ABL2: variants seen among roughly 807,000 people sequenced by gnomAD.
ABL2 encodes the protein ABL proto-oncogene 2, non-receptor tyrosine kinase.
ABL2 carries 49 observed loss-of-function variants against 107.7 expected under a neutral mutation model. The ratio of observed to expected loss-of-function variants is 0.45; its 90% CI spans 0.36 to 0.58. The LOEUF is 0.58. ABL2 is among the 20% of genes least tolerant of loss of function. ABL2 has a pLI of 0.00. For synonymous variants in ABL2, 549 were observed against 548.6 expected (o/e 1.00, Z -0.01); for missense variants, 1,245 against 1,457.0 (o/e 0.85, Z 2.37).
intron 1 of ABL2, among the ~76,000 whole-genome samples, chr1:179,188,937 T>C (rs1014071525): frequency 6.6e-6 from 1 of 152,338 alleles, no homozygotes; most frequent in East Asian, 1.9e-4. Flanking sequence ...GGAGATTAAA[T>C]GTATACCCCT....
rs58297805 is a variant in ABL2, at chr1:179,147,181, C to CAAAAAAAAAAAAAAAAAAAA, written c.158-13827_158-13808dup. 1.0e-3 allele frequency among the ~76,000 whole-genome samples: 52 copies of CAAAAAAAAAAAAAAAAAAAA among 50,534 alleles called. 13 individuals carry two copies. Among genetic ancestry groups the CAAAAAAAAAAAAAAAAAAAA allele is most frequent in the African/African-American group, 1.7e-3 (22 of 13,244 alleles). 33.2% of individuals were successfully genotyped at this position (50,534 alleles called of 152,430 possible). On this transcript the variant is annotated intron_variant, in intron 1 of 11. Transcript: ENST00000502732. Reference sequence around the variant, plus strand: ...CCAATCACTAATCATCAGAGAAATGCAAAAAAAAAAAAAAAAAAAAAAAAA... The same window carrying CAAAAAAAAAAAAAAAAAAAA: ...CCAATCACTAATCATCAGAGAAATGCAAAAAAAAAAAAAAAAAAAAAAAAAAAAAAAAAAAAAAAAAAAAA...
At chr1:179,206,440 A>G (rs1403360754) in intron 1 of ABL2, among the ~76,000 whole-genome samples, 1 of 152,130 alleles carries the variant, frequency 6.6e-6, no homozygotes, top group Admixed American at 6.6e-5. Flanking sequence ...TACAACAGCA[A>G]AAAACTGAAA....
At chr1:179,170,890 C>G (rs1659681172) in intron 1 of ABL2, among the ~76,000 whole-genome samples, 1 of 152,094 alleles carries the variant, frequency 6.6e-6, no homozygotes, top group Non-Finnish European at 1.5e-5. Flanking sequence ...CCACTGCGCT[C>G]AGCCTAATTT....
At chr1:179,192,207 A>C (rs1434460349) in intron 1 of ABL2, among the ~76,000 whole-genome samples, 1 of 152,200 alleles carries the variant, frequency 6.6e-6, no homozygotes, top group African/African-American at 2.4e-5. Context: ...CACTCTACCA[A>C]AGGTAGATAT....
Position 179,216,833 on chromosome 1 carries a change from G to A in ABL2, c.157+12408C>T, listed in dbSNP as rs567645727. On this transcript the variant is annotated intron_variant, in intron 1 of 11. Coordinates refer to ENST00000502732, the MANE Select transcript of ABL2 (RefSeq NM_007314.4). ...CGAGTAGCTGCAACTACAGGCGCACGCCACCATGCCCGGCTAATTTTTGTA... is the reference window on the plus strand; with the variant it reads ...CGAGTAGCTGCAACTACAGGCGCACACCACCATGCCCGGCTAATTTTTGTA... Among the ~76,000 whole-genome samples the A allele has an allele frequency of 4.0e-4, 61 of 151,726 alleles. 2 individuals carry two copies. The highest frequency in any genetic ancestry group is 3.5e-4 in the Non-Finnish European group (24 of 67,906).
chr1:179,226,411 C>A (rs559390229), intron 1 of ABL2, among the ~76,000 whole-genome samples: 2 of 150,154 alleles, frequency 1.3e-5, no homozygotes, highest in African/African-American at 2.5e-5. Context: ...CGGGTTCAAG[C>A]GATTCTCCTG....
intron 1 of ABL2, among the ~76,000 whole-genome samples, chr1:179,219,728 C>T (rs895688230): frequency 2.0e-5 from 3 of 152,190 alleles, no homozygotes; most frequent in Non-Finnish European, 2.9e-5. Flanking sequence ...AATTCCCTTA[C>T]CTTTTACTGC....
At chr1:179,117,238 G>A (rs2102611212) in intron 8 of ABL2, 94 bp downstream of exon 8, 1 of 1,248,194 alleles carries the variant, frequency 8.0e-7, no homozygotes, top group Non-Finnish European at 1.1e-6. Flanking sequence ...TAAAGGTAGA[G>A]GATACTGAAC....
chr1:179,162,468 G>A (rs959736432), intron 1 of ABL2, among the ~76,000 whole-genome samples: 6 of 152,024 alleles, frequency 3.9e-5, no homozygotes, highest in South Asian at 4.2e-4. Context: ...GTCTGTAACC[G>A]CAGCTACCTG....
intron 1 of ABL2, among the ~76,000 whole-genome samples, chr1:179,199,063 G>A (rs1431941543): frequency 5.9e-5 from 9 of 151,938 alleles, no homozygotes; most frequent in Non-Finnish European, 1.2e-4. Context: ...GCCTGGTCTC[G>A]AACTCCTGAC....
rs1372787762 is a variant in ABL2 at position 179,112,397 on chromosome 1, G to A, written c.1563C>T (p.Cys521=). Residue 521 remains cysteine (C), a splice_region_variant and synonymous_variant, in exon 10 of 12, where the codon TGC becomes TGT. Coordinates refer to ENST00000502732, the MANE Select transcript of ABL2 (RefSeq NM_007314.4). ...GCCTATCGGCAGGGCTCCACTTCCA[G>A]CCTATGTAACAGAAGAAAAAATATT... The part of the protein sequence containing the change: ...PPKVYELMRA[C]WKWSPADRPS... 6.2e-7 allele frequency: 1 copy of A among 1,612,998 alleles called. No homozygotes were observed. Among genetic ancestry groups the A allele is most frequent in the Non-Finnish European group, 8.5e-7 (1 of 1,179,212 alleles).
intron 3 of ABL2, among the ~76,000 whole-genome samples, chr1:179,128,003 C>G (rs1275948308): frequency 6.7e-6 from 1 of 149,898 alleles, no homozygotes; most frequent in African/African-American, 2.5e-5. Flanking sequence ...CCACTGTACT[C>G]CAGCCTGGGA....
intron 1 of ABL2, among the ~76,000 whole-genome samples, chr1:179,195,425 G>C (rs181593701): frequency 5.9e-5 from 9 of 152,298 alleles, no homozygotes; most frequent in Admixed American, 1.3e-4. Context: ...GTGCATTATT[G>C]GTGGGAATAT....
intron 3 of ABL2, among the ~76,000 whole-genome samples, chr1:179,129,585 G>A (rs1012527061): frequency 1.3e-5 from 2 of 151,952 alleles, no homozygotes; most frequent in Non-Finnish European, 2.9e-5. Context: ...AGGAGGCTGA[G>A]GCAGCAGAAT....
rs932043657 is a variant in ABL2, at chr1:179,100,545, T to C, written c.*7173A>G. ...TAATTCCGAAGCAAATTTAAGCAAG[T>C]TCTGACTACACAAACTCCTTATGTT... On this transcript the variant is annotated 3_prime_UTR_variant, in exon 12 of 12. Coordinates refer to ENST00000502732, the MANE Select transcript of ABL2 (RefSeq NM_007314.4). 4.4e-6 allele frequency: 1 copy of C among 228,994 alleles called. No homozygotes were observed. Among genetic ancestry groups the C allele is most frequent in the African/African-American group, 2.2e-5 (1 of 45,148 alleles). The allele number at this position is 228,994 out of a possible 1,614,324, so 14.2% of individuals were successfully genotyped here.
chr1:179,106,676 C>T lies in ABL2; in HGVS notation c.*1042G>A, dbSNP rs556997115. On this transcript the variant is annotated 3_prime_UTR_variant, in exon 12 of 12. Coordinates refer to ENST00000502732, the MANE Select transcript of ABL2 (RefSeq NM_007314.4). ...CCAAGCCAGCTTTTCCTCTCAGTCA[C>T]ATACAGGCCACTGGGTTTCAAGAAA... 3.9e-5 allele frequency: 9 copies of T among 232,100 alleles called. No homozygotes were observed. In the South Asian group the frequency reaches 7.2e-4, roughly 19 times the overall value. 14.4% of individuals were successfully genotyped at this position (232,100 alleles called of 1,614,324 possible). A position where few individuals can be genotyped will look rare whatever the true frequency, so the allele number is the denominator to read the frequency against.
chr1:179,206,256 A>T (rs1661963304), intron 1 of ABL2, among the ~76,000 whole-genome samples: 1 of 152,178 alleles, frequency 6.6e-6, no homozygotes. Context: ...ATAGAATCAA[A>T]TGCACACAGG....
At chr1:179,124,970 A>T (rs1239265770) in intron 4 of ABL2, among the ~76,000 whole-genome samples, 1 of 152,124 alleles carries the variant, frequency 6.6e-6, no homozygotes, top group Non-Finnish European at 1.5e-5. Context: ...TCATTACCTC[A>T]TATCTATTAG....
intron 1 of ABL2, among the ~76,000 whole-genome samples, chr1:179,218,858 A>C (rs930263582): frequency 2.0e-5 from 3 of 152,232 alleles, no homozygotes; most frequent in African/African-American, 7.2e-5. Flanking sequence ...AATCTGCTTT[A>C]ACAAGCTCTC....
Sources: gnomAD v4.1 joint callset for allele counts (sites outside exome capture counted in the v4.1 genomes callset) on GRCh38, gnomAD v4.1.1 for gene constraint, MANE v1.5 for transcripts, NCBI Gene and HGNC (gene_info 2026-07-23, HGNC 2026-07-21) for gene names.